The following DSE variants were observed in gnomAD, a reference collection of about 807,000 sequenced individuals.
DSE encodes the protein dermatan sulfate epimerase.
DSE carries 36 observed loss-of-function variants against 84.4 expected under a neutral mutation model. That is an observed-to-expected ratio of 0.43 (90% confidence interval 0.33 to 0.56). The LOEUF is 0.56. Ranked by LOEUF, DSE falls within the 20% of genes least tolerant of loss-of-function variation. DSE has a pLI of 0.06. For synonymous variants in DSE, 410 were observed against 430.1 expected, an observed-to-expected ratio of 0.95 and a Z score of 0.58; for missense variants, 862 against 1,169.6, an observed-to-expected ratio of 0.74 and a Z score of 3.84.
intron 2 of DSE, among the ~76,000 whole-genome samples, chr6:116,324,844 T>C (rs908511273): frequency 2.0e-5 from 3 of 152,218 alleles, no homozygotes; most frequent in Non-Finnish European, 4.4e-5. Context: ...CTTTTGGGGA[T>C]GCATGCAGTC....
chr6:116,296,771 A>G (rs1774691791), intron 2 of DSE, among the ~76,000 whole-genome samples: 1 of 152,216 alleles, frequency 6.6e-6, no homozygotes, highest in East Asian at 1.9e-4. Flanking sequence ...TTTAAAGGCT[A>G]TAAGGAAGCT....
intron 2 of DSE, among the ~76,000 whole-genome samples, chr6:116,349,169 C>T (rs1222460726): frequency 1.3e-5 from 2 of 151,958 alleles, no homozygotes; most frequent in African/African-American, 4.8e-5. Context: ...TTTATATACA[C>T]TAATATAAAA....
At chr6:116,328,924 GAAATAA>G (rs1484541518) in intron 2 of DSE, among the ~76,000 whole-genome samples, 1 of 151,972 alleles carries the variant, frequency 6.6e-6, no homozygotes, top group Non-Finnish European at 1.5e-5. Flanking sequence ...AAATTGAAAA[GAAATAA>G]AAATAAAATA....
chr6:116,286,667 A>T (rs1008284860), intron 2 of DSE, among the ~76,000 whole-genome samples: 1 of 152,308 alleles, frequency 6.6e-6, no homozygotes, highest in African/African-American at 2.4e-5. Context: ...TTTGATATGT[A>T]AGGACATTAA....
chr6:116,351,294 C>T (rs1340796192), intron 2 of DSE, among the ~76,000 whole-genome samples: 2 of 152,168 alleles, frequency 1.3e-5, no homozygotes, highest in African/African-American at 4.8e-5. Context: ...ATACCAAGAT[C>T]TCAGGGCAGC....
intron 2 of DSE, among the ~76,000 whole-genome samples, chr6:116,294,994 T>C (rs1254794171): frequency 6.6e-6 from 1 of 152,184 alleles, no homozygotes; most frequent in Non-Finnish European, 1.5e-5. Flanking sequence ...TAAAAGACAC[T>C]GTTCATGCCC....
chr6:116,283,816 T>A (rs1046933043), intron 2 of DSE, among the ~76,000 whole-genome samples: 3 of 152,176 alleles, frequency 2.0e-5, no homozygotes, highest in Non-Finnish European at 4.4e-5. Context: ...AGTGCTGGGA[T>A]TACAGGCATG....
At chr6:116,383,984 T>C (rs1780420696) in intron 1 of DSE, among the ~76,000 whole-genome samples, 1 of 152,220 alleles carries the variant, frequency 6.6e-6, no homozygotes, top group South Asian at 2.1e-4. Context: ...GAAATAATAA[T>C]TACAGAGTAT....
In DSE at chr6:116,440,359, G is replaced by C. The variant is rs548023666; in HGVS notation, c.*3014G>C. 3.9e-5 allele frequency: 6 copies of C among 152,106 alleles called. 1 individual carries two copies. The highest frequency in any genetic ancestry group is 1.4e-4 in the African/African-American group (6 of 41,412). The allele number at this position is 152,106 out of a possible 1,614,324, so 9.4% of individuals were successfully genotyped here. On this transcript the variant is annotated 3_prime_UTR_variant, in exon 6 of 6. Coordinates refer to ENST00000644252, the MANE Select transcript of DSE (RefSeq NM_013352.4). Reference sequence around the variant, plus strand: ...ATCACCCAGGCTGAAGTGTAGTGGCGTGATCGTAGCTCACTGCAGCCGCAA... The same window carrying C: ...ATCACCCAGGCTGAAGTGTAGTGGCCTGATCGTAGCTCACTGCAGCCGCAA...
intron 1 of DSE, among the ~76,000 whole-genome samples, chr6:116,387,464 G>A (rs558285991): frequency 2.0e-4 from 30 of 152,280 alleles, no homozygotes; most frequent in East Asian, 7.7e-4. Flanking sequence ...CACCTTAGAC[G>A]GCAGGTTATG....
At chr6:116,429,115 G>T (rs1442666168) in intron 3 of DSE, among the ~76,000 whole-genome samples, 1 of 152,160 alleles carries the variant, frequency 6.6e-6, no homozygotes, top group African/African-American at 2.4e-5. Flanking sequence ...ACAGGAAAAG[G>T]ATGAAGATAA....
At position 116,370,974 on chromosome 6, in the gene DSE, G is replaced by T. The variant is rs887003974; in HGVS notation, c.-201G>T. The T allele has an allele frequency of 1.3e-5, 13 of 985,328 alleles. No homozygotes were observed. The highest frequency in any genetic ancestry group is 1.4e-5 in the Non-Finnish European group (12 of 830,036). 61.0% of individuals were successfully genotyped at this position (985,328 alleles called of 1,614,324 possible). A position where few individuals can be genotyped will look rare whatever the true frequency, so the allele number is the denominator to read the frequency against. ...TAGCGTCGCCCGAGGCTGCAGCAGCGCATCCCGGGGCATGGCGCGGCGGGG... is the reference window on the plus strand; with the variant it reads ...TAGCGTCGCCCGAGGCTGCAGCAGCTCATCCCGGGGCATGGCGCGGCGGGG... On this transcript the variant is annotated 5_prime_UTR_variant, in exon 1 of 6. Transcript: ENST00000644252.
intron 2 of DSE, chr6:116,278,287 G>GT (rs1773261870): frequency 9.0e-6 from 5 of 554,844 alleles, no homozygotes; most frequent in African/African-American, 1.9e-5. Context: ...GGATGACCTC[G>GT]TAGCATGTGA....
At chr6:116,342,866 G>T (rs894857275) in intron 2 of DSE, among the ~76,000 whole-genome samples, 3 of 152,246 alleles carry the variant, frequency 2.0e-5, no homozygotes, top group Non-Finnish European at 4.4e-5. Context: ...CCTGGGAAGC[G>T]CAAGGGGTCA....
chr6:116,300,347 T>C (rs1774956498), intron 2 of DSE, among the ~76,000 whole-genome samples: 1 of 152,174 alleles, frequency 6.6e-6, no homozygotes, highest in Non-Finnish European at 1.5e-5. Context: ...TCCTTCCATA[T>C]TTGAGTATTA....
At chr6:116,346,225 T>A (rs1418015211) in intron 2 of DSE, among the ~76,000 whole-genome samples, 1 of 152,208 alleles carries the variant, frequency 6.6e-6, no homozygotes, top group Non-Finnish European at 1.5e-5. Flanking sequence ...TCTGAAACTA[T>A]TCCAATCAAT....
chr6:116,259,142 G>C, intron 2 of DSE: 1 of 1,138,338 alleles, frequency 8.8e-7, no homozygotes, highest in South Asian at 1.3e-5. Flanking sequence ...GAGTGTCTCT[G>C]TTGCTCGACG....
At chr6:116,373,513 A>G (rs959570526) in intron 1 of DSE, among the ~76,000 whole-genome samples, 1 of 152,224 alleles carries the variant, frequency 6.6e-6, no homozygotes, top group African/African-American at 2.4e-5. Flanking sequence ...GACATCAACT[A>G]GGTTTGCTAT....
At chr6:116,342,313 T>C (rs1357152195) in intron 2 of DSE, among the ~76,000 whole-genome samples, 1 of 144,618 alleles carries the variant, frequency 6.9e-6, no homozygotes, top group Non-Finnish European at 1.5e-5. Context: ...GGAGTCTTGC[T>C]CTCTTGCCCA....
Sources: gnomAD v4.1 joint callset for allele counts (sites outside exome capture counted in the v4.1 genomes callset) on GRCh38, gnomAD v4.1.1 for gene constraint, MANE v1.5 for transcripts, NCBI Gene and HGNC (gene_info 2026-07-23, HGNC 2026-07-21) for gene names.